The following HERC1 variants were observed in gnomAD, a reference collection of about 807,000 sequenced individuals.
HERC1 encodes the protein probable E3 ubiquitin-protein ligase HERC1.
In HERC1, 160 loss-of-function variants were observed where a neutral mutation model predicts 554.3. The ratio of observed to expected loss-of-function variants is 0.29; its 90% CI spans 0.25 to 0.33. HERC1 has a LOEUF of 0.33. Ranked by LOEUF, HERC1 falls within the 10% of genes least tolerant of loss-of-function variation. The probability of loss-of-function intolerance (pLI) is 1.00; values close to 1 mark genes in which losing one functional copy is unlikely to be tolerated. For synonymous variants in HERC1, 2,175 were observed against 2,131.7 expected (o/e 1.02, Z -0.56); for missense variants, 4,919 against 5,918.5 (o/e 0.83, Z 5.54).
chr15:63,813,024 C>T (rs74019029), intron 1 of HERC1, among the ~76,000 whole-genome samples: 4,065 of 152,204 alleles, frequency 0.027, 69 homozygotes, highest in African/African-American at 0.051. Flanking sequence ...GCTAAAAACA[C>T]ACACCTTACC....
intron 59 of HERC1, 95 bp downstream of exon 59, chr15:63,642,862 C>T: frequency 1.4e-6 from 1 of 733,280 alleles, no homozygotes; most frequent in Non-Finnish European, 2.5e-6. Context: ...CTCTGGACAT[C>T]AGGTTTCTCC....
intron 2 of HERC1, among the ~76,000 whole-genome samples, chr15:63,767,647 G>A (rs1489636575): frequency 3.3e-5 from 5 of 152,252 alleles, no homozygotes; most frequent in South Asian, 2.1e-4. Context: ...GCAGTCAGCC[G>A]AGATCGCCCC....
intron 1 of HERC1, among the ~76,000 whole-genome samples, chr15:63,817,171 A>C (rs1248208410): frequency 6.6e-6 from 1 of 152,236 alleles, no homozygotes; most frequent in Admixed American, 6.5e-5. Flanking sequence ...TAAACATGCC[A>C]AACTACTGTA....
Position 63,758,479 on chromosome 15 carries a change from T to C in HERC1, c.1027-110A>G, listed in dbSNP as rs2075502990. The C allele has an allele frequency of 5.9e-6, 4 of 677,326 alleles. No individual in the cohort carries two copies. The Admixed American group carries it at 1.1e-4, about 19-fold the overall frequency. 42.0% of individuals were successfully genotyped at this position (677,326 alleles called of 1,614,324 possible). A position where few individuals can be genotyped will look rare whatever the true frequency, so the allele number is the denominator to read the frequency against. The stretch of plus-strand genomic sequence containing the variant: ...TGCCTTTCCTTCCAACACTCTCAAA[T>C]GCTCAAAGAACCTATTAAATAAAGA... On this transcript the variant is annotated intron_variant, in intron 3 of 77. Transcript: ENST00000443617. The surrounding 1 kb of genome is among the most constrained non-coding windows in gnomAD (Gnocchi z 4.0).
chr15:63,786,941 T>TG, intron 1 of HERC1, among the ~76,000 whole-genome samples: 1 of 150,806 alleles, frequency 6.6e-6, no homozygotes, highest in South Asian at 2.1e-4. Flanking sequence ...TTTTATTTTT[T>TG]GAGACGGAGT....
chr15:63,749,551 T>C lies in HERC1; in HGVS notation c.2048-13A>G, dbSNP rs2075168029. On this transcript the variant is annotated splice_polypyrimidine_tract_variant and intron_variant, in intron 9 of 77. Transcript: ENST00000443617. The surrounding 1 kb of genome is among the most constrained non-coding windows in gnomAD (Gnocchi z 4.1). ...TAAACTTCATTATCTAAAAACAAAA[T>C]ATAAAGTATTATATAAAAGAAAAGC... The C allele has an allele frequency of 6.3e-7, 1 of 1,588,946 alleles. No individual in the cohort carries two copies. The highest frequency in any genetic ancestry group is 8.6e-7 in the Non-Finnish European group (1 of 1,167,918).
chr15:63,654,482 A>G (rs1403641910), intron 50 of HERC1, among the ~76,000 whole-genome samples, 158 bp from the exon 51 acceptor site: 1 of 152,256 alleles, frequency 6.6e-6, no homozygotes, highest in East Asian at 1.9e-4. Context: ...GCAAGCAATT[A>G]TTTCACTAAA....
intron 25 of HERC1, among the ~76,000 whole-genome samples, chr15:63,701,867 T>G (rs535240171): frequency 6.6e-5 from 10 of 152,126 alleles, no homozygotes; most frequent in Admixed American, 2.6e-4. Context: ...CTCTGTACTA[T>G]CTGAATACAG....
chr15:63,813,012 T>C (rs551940844), intron 1 of HERC1, among the ~76,000 whole-genome samples: 1 of 152,138 alleles, frequency 6.6e-6, no homozygotes, highest in South Asian at 2.1e-4. Context: ...GGAACTAGAA[T>C]AGCTAAAAAC....
At position 63,638,788 on chromosome 15, in the gene HERC1, G is replaced by A; in HGVS notation, c.11902-12C>T. ...CATTTACTGTTATCCTGAAAAACAG[G>A]GGGTACATAATGATCAATTCTGCTT... On this transcript the variant is annotated splice_polypyrimidine_tract_variant and intron_variant, in intron 61 of 77. Transcript: ENST00000443617. The A allele has an allele frequency of 6.2e-7, 1 of 1,609,786 alleles. No homozygotes were observed. Among genetic ancestry groups the A allele is most frequent in the Non-Finnish European group, 8.5e-7 (1 of 1,176,220 alleles).
In HERC1 at chr15:63,645,021, C is replaced by G; in HGVS notation, c.11155G>C (p.Gly3719Arg). 6.2e-7 allele frequency: 1 copy of G among 1,613,518 alleles called. No individual in the cohort carries two copies. Among genetic ancestry groups the G allele is most frequent in the Non-Finnish European group, 8.5e-7 (1 of 1,179,534 alleles). The change falls in exon 57 of 78, where the codon GGA becomes CGA. Residue 3719 changes from glycine to arginine, a missense_variant. By Grantham distance (125) the Gly-to-Arg change is moderately radical. Transcript: ENST00000443617. ...TTQTNVTSAE[G>R]WWEQESNCQD... ...CAATTTGATTCCTGCTCCCACCATC[C>G]TTCTGCACTAGTCACATTGGTCTGT... is the stretch of plus-strand genomic sequence containing the variant.
In HERC1 at chr15:63,674,688, C is replaced by T. The variant is rs1444531278; in HGVS notation, c.7500G>A (p.Gln2500=). 6.2e-7 allele frequency: 1 copy of T among 1,613,638 alleles called. No individual in the cohort carries two copies. The highest frequency in any genetic ancestry group is 1.7e-5 in the Admixed American group (1 of 59,984). The change falls in exon 38 of 78, where the codon CAG becomes CAA. Residue 2500 remains glutamine, a synonymous_variant. Coordinates refer to ENST00000443617, the MANE Select transcript of HERC1 (RefSeq NM_003922.4). ...ACAGCTGGACTGCTCTGATTTCTGA[C>T]TGGGCTACATCATGGTTTTTGGACA... ...EHMSKNHDVA[Q]SEIRAVQLSY...
At chr15:63,621,685 G>T (rs576366624) in intron 74 of HERC1, among the ~76,000 whole-genome samples, 4 of 151,650 alleles carry the variant, frequency 2.6e-5, no homozygotes, top group Non-Finnish European at 5.9e-5. Context: ...GGCTTTGTTC[G>T]TTTCTTTTTA....
chr15:63,695,590 G>A (rs1268012226), intron 27 of HERC1, among the ~76,000 whole-genome samples: 1 of 151,740 alleles, frequency 6.6e-6, no homozygotes, highest in Non-Finnish European at 1.5e-5. Flanking sequence ...GTTTCGCCAT[G>A]TTGGCCAGGC....
intron 71 of HERC1, among the ~76,000 whole-genome samples, chr15:63,624,956 AC>A (rs1314574992): frequency 1.3e-5 from 2 of 152,182 alleles, no homozygotes; most frequent in African/African-American, 4.8e-5. Context: ...CTGTGTATGC[AC>A]ACATAACATT....
chr15:63,684,725 G>A (rs1447483814), intron 34 of HERC1, among the ~76,000 whole-genome samples: 1 of 152,004 alleles, frequency 6.6e-6, no homozygotes, highest in Admixed American at 6.6e-5. Flanking sequence ...AATCTATGTT[G>A]GGCCAGGCGC....
intron 1 of HERC1, among the ~76,000 whole-genome samples, chr15:63,786,711 T>A (rs35712767): frequency 0.81 from 123,536 of 152,082 alleles, 52,033 homozygotes; most frequent in Non-Finnish European, 0.87. Flanking sequence ...GGCCAAATGC[T>A]TAGAGATAGA....
At position 63,725,599 on chromosome 15, in the gene HERC1, A is replaced by G. The variant is rs11632718; in HGVS notation, c.3347-86T>C. ...TCTCATAGTCTCCTACCGTACTGCA[A>G]TAAGATACTGATGCAAAATATTTTA... On this transcript the variant is annotated intron_variant, in intron 17 of 77. Transcript: ENST00000443617. 495,765 of 999,728 alleles carry G rather than the reference A, an allele frequency of 0.5. 129,554 individuals are homozygous for G. Among genetic ancestry groups the G allele is most frequent in the Non-Finnish European group, 0.55 (360,558 of 656,854 alleles). The allele number at this position is 999,728 out of a possible 1,614,324, so 61.9% of individuals were successfully genotyped here. A position where few individuals can be genotyped will look rare whatever the true frequency, so the allele number is the denominator to read the frequency against.
At chr15:63,743,027 T>A (rs1477101061) in intron 12 of HERC1, among the ~76,000 whole-genome samples, 1 of 152,152 alleles carries the variant, frequency 6.6e-6, no homozygotes, top group African/African-American at 2.4e-5. Flanking sequence ...CTCTTCTACA[T>A]TCTGGAAGAG....
Sources: gnomAD v4.1 joint callset for allele counts (sites outside exome capture counted in the v4.1 genomes callset) on GRCh38, gnomAD v4.1.1 for gene constraint, Gnocchi (gnomAD v3.1) non-coding constraint, MANE v1.5 for transcripts, NCBI Gene and HGNC (gene_info 2026-07-23, HGNC 2026-07-21) for gene names.